FAM171B: variants seen among roughly 807,000 people sequenced by gnomAD.
The protein encoded by FAM171B is protein FAM171B.
FAM171B carries 19 observed loss-of-function variants against 75.6 expected under a neutral mutation model. That is an observed-to-expected ratio of 0.25 (90% confidence interval 0.18 to 0.37). The LOEUF (loss-of-function observed/expected upper bound fraction) is 0.37, where lower values mean the gene tolerates loss of function less well. Among genes scored for constraint, FAM171B ranks in the 10% least tolerant of loss-of-function variants. The pLI, the probability that FAM171B is intolerant of heterozygous loss-of-function variation, is 1.00. For synonymous variants in FAM171B, 367 were observed against 361.7 expected, an observed-to-expected ratio of 1.01 and a Z score of -0.17; for missense variants, 848 against 982.4, an observed-to-expected ratio of 0.86 and a Z score of 1.83.
intron 1 of FAM171B, among the ~76,000 whole-genome samples, chr2:186,701,886 T>C (rs577300316): frequency 6.6e-6 from 1 of 152,366 alleles, no homozygotes; most frequent in East Asian, 1.9e-4. Flanking sequence ...TTCAATGTTC[T>C]GTCTGACTAG....
intron 4 of FAM171B, among the ~76,000 whole-genome samples, chr2:186,748,871 A>C (rs1439111395): frequency 6.6e-6 from 1 of 152,100 alleles, no homozygotes; most frequent in East Asian, 1.9e-4. Flanking sequence ...ATTTACTAGA[A>C]TGGTATCTGT....
chr2:186,702,256 A>C (rs917057055), intron 1 of FAM171B, among the ~76,000 whole-genome samples: 1 of 152,236 alleles, frequency 6.6e-6, no homozygotes, highest in African/African-American at 2.4e-5. Flanking sequence ...TCTGTACAGC[A>C]TGTGACTATA....
intron 6 of FAM171B, among the ~76,000 whole-genome samples, chr2:186,759,563 A>G (rs528750156): frequency 6.6e-6 from 1 of 152,172 alleles, no homozygotes; most frequent in East Asian, 1.9e-4. Flanking sequence ...ATCTTATAGT[A>G]GTTTTGACTT....
intron 3 of FAM171B, 28 bp downstream of exon 3, chr2:186,743,603 A>T (rs770128461): frequency 7.2e-7 from 1 of 1,396,040 alleles, no homozygotes. Flanking sequence ...TACTAAGTAA[A>T]CACTTAAAGT....
chr2:186,751,087 A>C (rs1463499572), intron 4 of FAM171B, 47 bp from the exon 5 acceptor site: 1 of 1,426,944 alleles, frequency 7.0e-7, no homozygotes, highest in Non-Finnish European at 9.5e-7. Context: ...TTAGGTAACT[A>C]CCACCTCTGT....
At chr2:186,732,363 C>T (rs951032742) in intron 1 of FAM171B, among the ~76,000 whole-genome samples, 31 of 151,996 alleles carry the variant, frequency 2.0e-4, no homozygotes, top group Non-Finnish European at 1.2e-4. Flanking sequence ...CACCCCAAGC[C>T]CCACTGTTCC....
intron 1 of FAM171B, among the ~76,000 whole-genome samples, chr2:186,721,659 G>T (rs1035017950): frequency 1.3e-5 from 2 of 151,782 alleles, no homozygotes; most frequent in African/African-American, 2.4e-5. Context: ...TAATTTTCTT[G>T]GTACTATCAC....
At chr2:186,753,471 G>C (rs769251296) in intron 5 of FAM171B, among the ~76,000 whole-genome samples, 1 of 152,120 alleles carries the variant, frequency 6.6e-6, no homozygotes, top group African/African-American at 2.4e-5. Context: ...TAATAGATAA[G>C]TTTTTCATGA....
At chr2:186,754,504 G>T (rs1476247183) in intron 6 of FAM171B, among the ~76,000 whole-genome samples, 1 of 152,146 alleles carries the variant, frequency 6.6e-6, no homozygotes, top group African/African-American at 2.4e-5. Flanking sequence ...AGGCCTGCTT[G>T]ACTACCTTTG....
At position 186,762,512 on chromosome 2, in the gene FAM171B, A is replaced by C; in HGVS notation, c.2170A>C (p.Lys724Gln). Reference sequence around the variant, plus strand: ...CTCAAGTAGAAAGCTCGAGAGGGAGAAAACATTCATCAAAAGCATGCATCA... The same window carrying C: ...CTCAAGTAGAAAGCTCGAGAGGGAGCAAACATTCATCAAAAGCATGCATCA... ...LHSSRKLERE[K>Q]TFIKSMHQPK... The change falls in exon 8 of 8, where the codon AAA becomes CAA. Residue 724 changes from lysine (K) to glutamine (Q), a missense_variant. Coordinates refer to ENST00000304698, the MANE Select transcript of FAM171B (RefSeq NM_177454.4). This position sits in a 1 kb window ranked among gnomAD's most constrained non-coding sequence, Gnocchi z 4.0. 1.2e-6 allele frequency: 2 copies of C among 1,613,548 alleles called. No individual in the cohort carries two copies. The highest frequency in any genetic ancestry group is 1.7e-6 in the Non-Finnish European group (2 of 1,179,742).
Position 186,740,047 on chromosome 2 carries a change from T to A in FAM171B, c.239-181T>A, listed in dbSNP as rs192095839. 1.7e-3 allele frequency among the ~76,000 whole-genome samples: 256 copies of A among 152,380 alleles called. 4 individuals are homozygous for A. Among genetic ancestry groups the A allele is most frequent in the Non-Finnish European group, 2.9e-4 (20 of 68,042 alleles). Reference sequence around the variant, plus strand: ...GTTGCTATGGAGCACTTAACTGTATTGAAATTTATTTCGTTTTACAAAGAA... The same window carrying A: ...GTTGCTATGGAGCACTTAACTGTATAGAAATTTATTTCGTTTTACAAAGAA... On this transcript the variant is annotated intron_variant, in intron 1 of 7. Coordinates refer to ENST00000304698, the MANE Select transcript of FAM171B (RefSeq NM_177454.4).
chr2:186,723,785 G>A (rs1689989928), intron 1 of FAM171B, among the ~76,000 whole-genome samples: 1 of 152,116 alleles, frequency 6.6e-6, no homozygotes, highest in Non-Finnish European at 1.5e-5. Flanking sequence ...CCATCTTCTT[G>A]TCCCACCCTC....
chr2:186,752,035 G>A (rs1404905537), intron 5 of FAM171B, among the ~76,000 whole-genome samples: 1 of 152,088 alleles, frequency 6.6e-6, no homozygotes, highest in East Asian at 1.9e-4. Context: ...ACCTTTCTAG[G>A]ATGGGATTTC....
intron 1 of FAM171B, among the ~76,000 whole-genome samples, chr2:186,733,782 T>C (rs567274467): frequency 6.6e-6 from 1 of 152,132 alleles, no homozygotes; most frequent in African/African-American, 2.4e-5. Flanking sequence ...CTGGAACAGG[T>C]GTACCTCAAG....
chr2:186,734,588 A>G (rs1690169807), intron 1 of FAM171B, among the ~76,000 whole-genome samples: 3 of 152,150 alleles, frequency 2.0e-5, no homozygotes, highest in Admixed American at 6.5e-5. Context: ...GGCTGAGTCC[A>G]GGGTTTTTAT....
At chr2:186,737,357 TTC>T (rs1470078577) in intron 1 of FAM171B, among the ~76,000 whole-genome samples, 1 of 152,226 alleles carries the variant, frequency 6.6e-6, no homozygotes, top group Non-Finnish European at 1.5e-5. Context: ...TTAGTTTCTT[TTC>T]TTTCTCTTTT....
chr2:186,747,283 AG>A, intron 4 of FAM171B, 33 bp downstream of exon 4: 1 of 1,418,176 alleles, frequency 7.1e-7, no homozygotes. Context: ...TATAGTTATA[AG>A]AAACATTAGT....
chr2:186,716,244 C>G (rs1347296236), intron 1 of FAM171B, among the ~76,000 whole-genome samples: 1 of 152,092 alleles, frequency 6.6e-6, no homozygotes, highest in African/African-American at 2.4e-5. Flanking sequence ...GAACTCCTGG[C>G]TTTAAGTGAT....
In FAM171B at chr2:186,747,260, A is replaced by C; in HGVS notation, c.724+10A>C. The C allele has an allele frequency of 6.4e-7, 1 of 1,554,778 alleles. No individual in the cohort carries two copies. Among genetic ancestry groups the C allele is most frequent in the South Asian group, 1.2e-5 (1 of 80,294 alleles). On this transcript the variant is annotated intron_variant, in intron 4 of 7. Transcript: ENST00000304698. Reference sequence around the variant, plus strand: ...ACTCTCAATAAACCAGGTATTATCTACTTTTTGTATAATATAGTTATAAGA... The same window carrying C: ...ACTCTCAATAAACCAGGTATTATCTCCTTTTTGTATAATATAGTTATAAGA...
Sources: gnomAD v4.1 joint callset for allele counts (sites outside exome capture counted in the v4.1 genomes callset) on GRCh38, gnomAD v4.1.1 for gene constraint, Gnocchi (gnomAD v3.1) non-coding constraint, MANE v1.5 for transcripts, NCBI Gene and HGNC (gene_info 2026-07-23, HGNC 2026-07-21) for gene names.